The following ZNF683 variants were observed in gnomAD, a reference collection of about 807,000 sequenced individuals.
ZNF683 encodes zinc finger protein 683, also known as tissue-resident T-cell transcription regulator protein ZNF683.
Under a neutral mutation model 31.4 loss-of-function variants are expected in ZNF683, and 20 were observed. That is an observed-to-expected ratio of 0.64 (90% confidence interval 0.45 to 0.93). The LOEUF (loss-of-function observed/expected upper bound fraction) is 0.93, where lower values mean the gene tolerates loss of function less well. Among genes scored for constraint, ZNF683 ranks in the 40% least tolerant of loss-of-function variants. The probability of loss-of-function intolerance (pLI) is 0.00; values close to 1 mark genes in which losing one functional copy is unlikely to be tolerated. For missense variants in ZNF683, 621 were observed against 637.2 expected, an observed-to-expected ratio of 0.97 and a Z score of 0.27; for synonymous variants, 264 against 267.6, an observed-to-expected ratio of 0.99 and a Z score of 0.13.
chr1:26,365,246 C>CGGTCAGATCCCCACAGTCTGG lies in ZNF683; in HGVS notation c.320-41_320-21dup, dbSNP rs776241295. Reference sequence around the variant, plus strand: ...CGTGCTCTAAGCAGGAAAAGGAAGGCGGTCAGATCCCCACAGTCTGGGGTG... The same window carrying CGGTCAGATCCCCACAGTCTGG: ...CGTGCTCTAAGCAGGAAAAGGAAGGCGGTCAGATCCCCACAGTCTGGGGTCAGATCCCCACAGTCTGGGGTG... On this transcript the variant is annotated intron_variant, in intron 3 of 5. Coordinates refer to ENST00000349618, the MANE Select transcript of ZNF683 (RefSeq NM_001114759.3). 6 of 1,563,248 alleles carry CGGTCAGATCCCCACAGTCTGG rather than the reference C, an allele frequency of 3.8e-6. No individual in the cohort carries two copies. In the South Asian group the frequency reaches 7.0e-5, roughly 18 times the overall value.
rs1303700428 is a variant in ZNF683, at chr1:26,368,576, C to T, written c.-5G>A. 3 of 1,596,808 alleles carry T rather than the reference C, an allele frequency of 1.9e-6. No individual in the cohort carries two copies. The highest frequency in any genetic ancestry group is 2.6e-6 in the Non-Finnish European group (3 of 1,172,010). Reference sequence around the variant, plus strand: ...TGCAGCTGATTCTTCCTTCATATCCCCATTACCTGCTGGGAAACAGGTGAG... The same window carrying T: ...TGCAGCTGATTCTTCCTTCATATCCTCATTACCTGCTGGGAAACAGGTGAG... On this transcript the variant is annotated 5_prime_UTR_variant, in exon 2 of 6. Coordinates refer to ENST00000349618, the MANE Select transcript of ZNF683 (RefSeq NM_001114759.3).
intron 1 of ZNF683, chr1:26,370,642 C>T (rs1474430530): frequency 2.7e-5 from 27 of 985,934 alleles, no homozygotes; most frequent in East Asian, 1.1e-4. Context: ...CCATGGACCC[C>T]CGAAGGGCTG....
chr1:26,369,703 A>G (rs377313894), intron 1 of ZNF683, among the ~76,000 whole-genome samples: 4,608 of 117,140 alleles, frequency 0.039, 20 homozygotes, highest in African/African-American at 0.13. Context: ...GGTGGCTCAC[A>G]CCTGTAGTCC....
Position 26,364,644 on chromosome 1 carries a change from C to G in ZNF683, c.902G>C (p.Ser301Thr), listed in dbSNP as rs1457833636. 3 of 1,613,902 alleles carry G rather than the reference C, an allele frequency of 1.9e-6. No homozygotes were observed. Among genetic ancestry groups the G allele is most frequent in the Non-Finnish European group, 2.5e-6 (3 of 1,179,910 alleles). Residue 301 changes from serine to threonine, a missense_variant, in exon 4 of 6, where the codon AGT becomes ACT. Coordinates refer to ENST00000349618, the MANE Select transcript of ZNF683 (RefSeq NM_001114759.3). ...MASPAKRVPLSSQTGTAALPY... is the reference protein window; with the variant it reads ...MASPAKRVPLTSQTGTAALPY... ...CAAGGCTGCGGTGCCTGTCTGGGAACTCAATGGGACCCGCTTTGCTGGAGA... is the reference window on the plus strand; with the variant it reads ...CAAGGCTGCGGTGCCTGTCTGGGAAGTCAATGGGACCCGCTTTGCTGGAGA...
At chr1:26,374,264 A>T (rs1428221818), upstream of ZNF683, 2 of 1,303,818 alleles carry the variant, frequency 1.5e-6, no homozygotes, top group African/African-American at 3.0e-5. Context: ...CCTCCAAGGC[A>T]CTTCCCCACA....
chr1:26,367,575 C>T lies in ZNF683; in HGVS notation c.319+18G>A, dbSNP rs1250920006. Reference sequence around the variant, plus strand: ...AGCCTCTGCCAGGCGCAGGTGCAGCCCGGTGCCCTGGGCTTACTCATGCTC... The same window carrying T: ...AGCCTCTGCCAGGCGCAGGTGCAGCTCGGTGCCCTGGGCTTACTCATGCTC... On this transcript the variant is annotated intron_variant, in intron 3 of 5. Transcript: ENST00000349618. 1.3e-6 allele frequency: 2 copies of T among 1,560,554 alleles called. No individual in the cohort carries two copies. The highest frequency in any genetic ancestry group is 1.7e-6 in the Non-Finnish European group (2 of 1,153,656).
upstream of ZNF683, among the ~76,000 whole-genome samples, chr1:26,373,666 T>C (rs527683851): frequency 6.6e-6 from 1 of 152,326 alleles, no homozygotes; most frequent in South Asian, 2.1e-4. Flanking sequence ...TCTAACATCT[T>C]TTAAACAAAT....
chr1:26,366,342 C>CAAAAAAAAAAAAAAA (rs1173737722), intron 3 of ZNF683, among the ~76,000 whole-genome samples: 2 of 68,978 alleles, frequency 2.9e-5, no homozygotes, highest in African/African-American at 9.4e-5. Context: ...CAGCCTATCT[C>CAAAAAAAAAAAAAAA]AAAAAAAAAA....
upstream of ZNF683, chr1:26,372,918 CTG>C: frequency 2.1e-6 from 2 of 934,726 alleles, no homozygotes; most frequent in Non-Finnish European, 2.8e-6. Context: ...CTGAGGGAGT[CTG>C]TCTTAGCCCA....
At chr1:26,370,199 G>A (rs2074636550) in intron 1 of ZNF683, among the ~76,000 whole-genome samples, 1 of 152,084 alleles carries the variant, frequency 6.6e-6, no homozygotes, top group Non-Finnish European at 1.5e-5. Flanking sequence ...ACCAACCAGA[G>A]GCCCCCCACC....
Position 26,365,190 on chromosome 1 carries a change from T to C in ZNF683, c.356A>G (p.Asp119Gly). The C allele has an allele frequency of 1.2e-6, 2 of 1,608,444 alleles. No homozygotes were observed. The highest frequency in any genetic ancestry group is 1.7e-6 in the Non-Finnish European group (2 of 1,177,688). ...GTACTTGACTGTGAATTTCTTGTCA[T>C]CGGTGGAGCTGGCCTGCAGCCCTGG... Reference protein sequence around the residue: ...EPPGLQASSTDDKKFTVKYPQ... With the variant: ...EPPGLQASSTGDKKFTVKYPQ... The change falls in exon 4 of 6, where the codon GAT becomes GGT. Residue 119 changes from aspartate to glycine, a missense_variant. Transcript: ENST00000349618.
chr1:26,369,980 G>C (rs2074630763), intron 1 of ZNF683, among the ~76,000 whole-genome samples: 1 of 150,402 alleles, frequency 6.6e-6, no homozygotes, highest in Non-Finnish European at 1.5e-5. Flanking sequence ...GGCGAGGATA[G>C]AGCAAGACCC....
intron 1 of ZNF683, among the ~76,000 whole-genome samples, chr1:26,371,216 A>G (rs2074661604): frequency 6.6e-6 from 1 of 152,182 alleles, no homozygotes; most frequent in Non-Finnish European, 1.5e-5. Context: ...GATACAGCAA[A>G]CACGTTTTCC....
chr1:26,370,652 G>A (rs968863143), intron 1 of ZNF683: 1 of 985,790 alleles, frequency 1.0e-6, no homozygotes, highest in Non-Finnish European at 1.2e-6. Flanking sequence ...CCGAAGGGCT[G>A]CTGGCTGTGG....
At chr1:26,366,952 G>A (rs545997771) in intron 3 of ZNF683, among the ~76,000 whole-genome samples, 207 of 152,228 alleles carry the variant, frequency 1.4e-3, no homozygotes, top group African/African-American at 4.5e-3. Flanking sequence ...CACCGTGCCC[G>A]GCCTCCAGTA....
Position 26,365,081 on chromosome 1 carries a change from G to C in ZNF683, c.465C>G (p.Ser155Arg), listed in dbSNP as rs1413021598. The C allele has an allele frequency of 3.1e-6, 5 of 1,607,334 alleles. No homozygotes were observed. The highest frequency in any genetic ancestry group is 4.2e-6 in the Non-Finnish European group (5 of 1,176,900). Residue 155 changes from serine (S) to arginine (R), a missense_variant, in exon 4 of 6, where the codon AGC becomes AGG. By Grantham distance (110) the Ser-to-Arg change is moderately radical (BLOSUM62 -1). Transcript: ENST00000349618. ...APCPAFSSHN[S>R]SSPPPLQNRK... ...TGTTCTGCAGCGGTGGTGGGGAAGAGCTGTTATGAGAGGAGAAGGCTGGGC... is the reference window on the plus strand; with the variant it reads ...TGTTCTGCAGCGGTGGTGGGGAAGACCTGTTATGAGAGGAGAAGGCTGGGC...
intron 4 of ZNF683, among the ~76,000 whole-genome samples, 159 bp downstream of exon 4, chr1:26,364,373 G>T (rs7534104): frequency 0.69 from 104,571 of 151,968 alleles, 36,318 homozygotes; most frequent in East Asian, 0.89. Flanking sequence ...CGTCTTATCC[G>T]ATATCTCCAC....
At chr1:26,372,797 C>T (rs907103204), upstream of ZNF683, 1 of 1,193,480 alleles carries the variant, frequency 8.4e-7, no homozygotes, top group Non-Finnish European at 1.1e-6. Context: ...GACAAAGTGA[C>T]ATCACATTTA....
chr1:26,369,526 G>T (rs964568888), intron 1 of ZNF683, among the ~76,000 whole-genome samples: 1 of 138,520 alleles, frequency 7.2e-6, no homozygotes, highest in Non-Finnish European at 1.5e-5. Context: ...AAATTAGCCG[G>T]GTGTGGTGGC....
Sources: gnomAD v4.1 joint callset for allele counts (sites outside exome capture counted in the v4.1 genomes callset) on GRCh38, gnomAD v4.1.1 for gene constraint, MANE v1.5 for transcripts, NCBI Gene and HGNC (gene_info 2026-07-23, HGNC 2026-07-21) for gene names.